The following PROM1 variants were observed in gnomAD, a reference collection of about 807,000 sequenced individuals.
PROM1 encodes the protein prominin-1.
In PROM1, 105 loss-of-function variants were observed where a neutral mutation model predicts 116.9. That is an observed-to-expected ratio of 0.90 (90% confidence interval 0.77 to 1.06). The LOEUF is 1.06. Among genes scored for constraint, PROM1 ranks in the 50% least tolerant of loss-of-function variants. The pLI is 0.00. For missense variants in PROM1, 1,122 were observed against 1,045.2 expected, an observed-to-expected ratio of 1.07 and a Z score of -1.01; for synonymous variants, 393 against 387.0, an observed-to-expected ratio of 1.02 and a Z score of -0.18.
chr4:16,008,874 T>C, intron 12 of PROM1, 75 bp downstream of exon 12: 1 of 1,367,870 alleles, frequency 7.3e-7, no homozygotes, highest in South Asian at 1.3e-5. Flanking sequence ...ATTATCCTGG[T>C]GCTAATGTCA....
chr4:15,978,998 G>GGAAGGAAGGAAA lies in PROM1; in HGVS notation c.2582+385_2582+396dup, dbSNP rs1560384790. Among the ~76,000 whole-genome samples, 9 of 140,450 alleles carry GGAAGGAAGGAAA rather than the reference G, an allele frequency of 6.4e-5. No homozygotes were observed. In the Admixed American group the frequency reaches 6.7e-4, roughly 10 times the overall value. 92.1% of individuals were successfully genotyped at this position (140,450 alleles called of 152,430 possible). ...TTATTGGAAGGAAGGAAAAAAGGAA[G>GGAAGGAAGGAAA]GAAGGAAGGAAAGAAGGAAGGAAGG... On this transcript the variant is annotated intron_variant, in intron 26 of 27. Transcript: ENST00000447510.
rs1242094400 is a variant in PROM1, at chr4:16,056,890, G to C, written c.221-17889C>G. On this transcript the variant is annotated intron_variant, in intron 2 of 27. Transcript: ENST00000447510. ...CCAGGGGACTGGCAGCCTCAGCTGGGAGAGGGCAGTCCTGGTGGTCAGAAG... is the reference window on the plus strand; with the variant it reads ...CCAGGGGACTGGCAGCCTCAGCTGGCAGAGGGCAGTCCTGGTGGTCAGAAG... 2.6e-5 allele frequency among the ~76,000 whole-genome samples: 4 copies of C among 152,228 alleles called. No homozygotes were observed. The East Asian group carries it at 7.7e-4, about 29-fold the overall frequency.
At chr4:16,019,866 A>T (rs1729370683) in intron 8 of PROM1, among the ~76,000 whole-genome samples, 2 of 84,074 alleles carry the variant, frequency 2.4e-5, no homozygotes, top group Non-Finnish European at 4.8e-5. Context: ...CTTGAGTGTT[A>T]AAAATACACA....
intron 2 of PROM1, among the ~76,000 whole-genome samples, chr4:16,070,991 TG>T (rs1742680315): frequency 6.6e-6 from 1 of 152,222 alleles, no homozygotes; most frequent in Non-Finnish European, 1.5e-5. Flanking sequence ...AAAAAGGGTC[TG>T]AAAGTTAGAC....
At chr4:15,978,036 C>T (rs1217530076) in intron 26 of PROM1, among the ~76,000 whole-genome samples, 4 of 152,206 alleles carry the variant, frequency 2.6e-5, no homozygotes, top group Non-Finnish European at 4.4e-5. Context: ...CTCTCATTAA[C>T]GCCCTTAGAG....
At chr4:16,016,310 G>A in intron 9 of PROM1, 70 bp from the exon 10 acceptor site, 1 of 1,252,590 alleles carries the variant, frequency 8.0e-7, no homozygotes, top group Non-Finnish European at 1.1e-6. Flanking sequence ...GAAGAAAGAA[G>A]TCATTGTATA....
chr4:15,978,911 G>A lies in PROM1; in HGVS notation c.2582+484C>T, dbSNP rs978337193. On this transcript the variant is annotated intron_variant, in intron 26 of 27. Transcript: ENST00000447510. The stretch of plus-strand genomic sequence containing the variant: ...CAGAAGCTCCTTAATTCTAGAGAAT[G>A]TAAATTCATAAAGATTTCGGAGGAA... 2.6e-5 allele frequency among the ~76,000 whole-genome samples: 4 copies of A among 152,072 alleles called. No homozygotes were observed. The South Asian group carries it at 8.3e-4, about 31-fold the overall frequency.
At chr4:15,983,372 A>G (rs912031438) in intron 23 of PROM1, among the ~76,000 whole-genome samples, 3 of 141,760 alleles carry the variant, frequency 2.1e-5, no homozygotes, top group Non-Finnish European at 4.8e-5. Flanking sequence ...AACTCAGAAA[A>G]TTTCAGGAAT....
chr4:15,991,672 C>T (rs868631647), intron 17 of PROM1, among the ~76,000 whole-genome samples: 11 of 150,766 alleles, frequency 7.3e-5, no homozygotes, highest in Admixed American at 2.6e-4. Context: ...CAGAGGCTCA[C>T]GCCTGTAATT....
Position 16,004,832 on chromosome 4 carries a change from T to TTCTTTCTTTCTTTTTCTTCCTTCCTTC in PROM1, c.1454+1705_1454+1706insGAAGGAAGGAAGAAAAAGAAAGAAAGA, listed in dbSNP as rs1203366908. On this transcript the variant is annotated intron_variant, in intron 13 of 27. Coordinates refer to ENST00000447510, the MANE Select transcript of PROM1 (RefSeq NM_006017.3). ...CTTTCTTTCTTTCTTTCTTTCTTTT[T>TTCTTTCTTTCTTTTTCTTCCTTCCTTC]CTTCCTTCCTTCCTTCCTTCCTTCC... Among the ~76,000 whole-genome samples the TTCTTTCTTTCTTTTTCTTCCTTCCTTC allele has an allele frequency of 9.8e-5, 12 of 122,608 alleles. No homozygotes were observed. In the East Asian group the frequency reaches 2.5e-3, roughly 25 times the overall value. 80.4% of individuals were successfully genotyped at this position (122,608 alleles called of 152,430 possible).
chr4:16,013,173 G>T, intron 11 of PROM1, 102 bp downstream of exon 11: 1 of 924,364 alleles, frequency 1.1e-6, no homozygotes, highest in Non-Finnish European at 1.7e-6. Context: ...GCTTTAATGA[G>T]AAACTGTTTT....
chr4:16,036,178 G>A (rs1043690891), intron 3 of PROM1, among the ~76,000 whole-genome samples: 1 of 152,172 alleles, frequency 6.6e-6, no homozygotes, highest in African/African-American at 2.4e-5. Flanking sequence ...AAATCTGATG[G>A]TGTTATTCCC....
At chr4:16,022,802 T>C (rs1271921203) in intron 8 of PROM1, among the ~76,000 whole-genome samples, 1 of 152,210 alleles carries the variant, frequency 6.6e-6, no homozygotes, top group Non-Finnish European at 1.5e-5. Flanking sequence ...GCTTAAGATA[T>C]ATATGTATAT....
chr4:15,984,064 C>A (rs760661579), intron 23 of PROM1, among the ~76,000 whole-genome samples, 199 bp downstream of exon 23: 5 of 152,110 alleles, frequency 3.3e-5, no homozygotes, highest in Non-Finnish European at 7.4e-5. Context: ...AAATATAATC[C>A]TAGTGAGGAA....
intron 2 of PROM1, among the ~76,000 whole-genome samples, chr4:16,054,276 TCTAA>T (rs1279412565): frequency 6.6e-6 from 1 of 152,150 alleles, no homozygotes; most frequent in Admixed American, 6.5e-5. Flanking sequence ...AATCAGTCTA[TCTAA>T]CCCCTTTTAC....
intron 8 of PROM1, 24 bp from the exon 9 acceptor site, chr4:16,018,564 G>C: frequency 6.4e-7 from 1 of 1,574,062 alleles, no homozygotes; most frequent in African/African-American, 1.3e-5. Flanking sequence ...GCCCGCTTCA[G>C]AACACACATG....
Position 16,008,997 on chromosome 4 carries a change from C to T in PROM1, c.1253G>A (p.Ser418Asn). ...TGTAGGTAAATTTCTGTGGATGTAACTTTCAGTGTTATTAACATAAACAGA... is the reference window on the plus strand; with the variant it reads ...TGTAGGTAAATTTCTGTGGATGTAATTTTCAGTGTTATTAACATAAACAGA... ...AFSVYVNNTESYIHRNLPTLE... is the reference protein window; with the variant it reads ...AFSVYVNNTENYIHRNLPTLE... Residue 418 changes from serine (S) to asparagine (N), a missense_variant, in exon 12 of 28, where the codon AGT becomes AAT. Transcript: ENST00000447510. 3.8e-6 allele frequency: 6 copies of T among 1,596,352 alleles called. No individual in the cohort carries two copies. The highest frequency in any genetic ancestry group is 5.2e-6 in the Non-Finnish European group (6 of 1,164,688).
intron 11 of PROM1, among the ~76,000 whole-genome samples, chr4:16,009,375 A>G (rs1262623311): frequency 6.6e-6 from 1 of 152,238 alleles, no homozygotes; most frequent in Admixed American, 6.5e-5. Flanking sequence ...TACTTTACTT[A>G]AAGTAGATCA....
chr4:16,040,011 G>A (rs957529560), intron 2 of PROM1, among the ~76,000 whole-genome samples: 2 of 152,036 alleles, frequency 1.3e-5, no homozygotes, highest in Non-Finnish European at 1.5e-5. Context: ...CTTCTCCTGT[G>A]CGGGTGCCTT....
Sources: allele counts gnomAD v4.1 joint callset (sites outside exome capture counted in the v4.1 genomes callset), GRCh38; gene constraint gnomAD v4.1.1; transcripts MANE v1.5; gene names NCBI Gene and HGNC (gene_info 2026-07-23, HGNC 2026-07-21).